C3orf85: variants seen among roughly 807,000 people sequenced by gnomAD.
The protein encoded by C3orf85 is uncharacterized protein C3orf85.
Under a neutral mutation model 1.7 loss-of-function variants are expected in C3orf85, and 1 was observed. The ratio of observed to expected loss-of-function variants is 0.60; its 90% CI spans 0.21 to 2.86. C3orf85 has a LOEUF of 2.86. Among genes scored for constraint, C3orf85 ranks in the 30% most tolerant of loss-of-function variants. The pLI is 0.22. For synonymous variants in C3orf85, 17 were observed against 8.0 expected (o/e 2.13, Z -1.90); for missense variants, 29 against 21.3 (o/e 1.36, Z -0.72).
intron 2 of C3orf85, among the ~76,000 whole-genome samples, chr3:109,137,637 GTATA>G (rs1553767249): frequency 0.066 from 5,284 of 79,856 alleles, 402 homozygotes; most frequent in African/African-American, 0.18. Context: ...GTGTGTGTGT[GTATA>G]TATATATATA....
chr3:109,147,656 G>A (rs1706814800), intron 2 of C3orf85, among the ~76,000 whole-genome samples: 1 of 152,080 alleles, frequency 6.6e-6, no homozygotes, highest in African/African-American at 2.4e-5. Context: ...GGAAGGAGTT[G>A]CAAAATACAA....
intron 2 of C3orf85, among the ~76,000 whole-genome samples, chr3:109,142,462 C>G (rs1032062972): frequency 6.6e-6 from 1 of 152,180 alleles, no homozygotes; most frequent in Non-Finnish European, 1.5e-5. Context: ...TACTCTCCAT[C>G]TCTAGTAGCA....
At chr3:109,138,850 T>C (rs1418464006) in intron 2 of C3orf85, among the ~76,000 whole-genome samples, 1 of 152,174 alleles carries the variant, frequency 6.6e-6, no homozygotes, top group East Asian at 1.9e-4. Context: ...ATTTAAAAAA[T>C]AAGCATATAA....
chr3:109,144,660 A>AT (rs1706776726), intron 2 of C3orf85, among the ~76,000 whole-genome samples: 1 of 152,312 alleles, frequency 6.6e-6, no homozygotes, highest in South Asian at 2.1e-4. Flanking sequence ...ATGCAATAGC[A>AT]TTTTTTTCTT....
Position 109,149,803 on chromosome 3 carries a change from A to G in C3orf85, c.184-2A>G, listed in dbSNP as rs1706847997. 2.5e-6 allele frequency: 1 copy of G among 398,346 alleles called. No homozygotes were observed. Among genetic ancestry groups the G allele is most frequent in the Non-Finnish European group, 4.4e-6 (1 of 225,610 alleles). The allele number at this position is 398,346 out of a possible 1,614,324, so 24.7% of individuals were successfully genotyped here. ...CATGACTTGTGTTTCCTTTTCTTGAAGGCTCGTGAAACATGGATTGCTTTG... is the reference window on the plus strand; with the variant it reads ...CATGACTTGTGTTTCCTTTTCTTGAGGGCTCGTGAAACATGGATTGCTTTG... On this transcript the variant is annotated splice_acceptor_variant, in intron 3 of 3. Coordinates refer to ENST00000622536, the MANE Select transcript of C3orf85 (RefSeq NM_001351622.2). LOFTEE classifies it high-confidence loss of function.
At chr3:109,148,528 G>T in intron 3 of C3orf85, 142 bp downstream of exon 3, 1 of 598,210 alleles carries the variant, frequency 1.7e-6, no homozygotes. Flanking sequence ...GCTTTTTCTT[G>T]CCCATGAAGT....
At chr3:109,145,839 T>C (rs986917216) in intron 2 of C3orf85, among the ~76,000 whole-genome samples, 3 of 152,164 alleles carry the variant, frequency 2.0e-5, no homozygotes, top group Non-Finnish European at 2.9e-5. Context: ...TACCTTTCAA[T>C]CATATTGGTA....
Position 109,150,970 on chromosome 3 carries a change from C to T in C3orf85, c.*1076C>T, listed in dbSNP as rs962502180. ...AAGAAGTTGACTGGAAGGACTTTGG[C>T]CTCAGCAATTTCTTCTCCAAAAGGA... On this transcript the variant is annotated 3_prime_UTR_variant, in exon 4 of 4. Transcript: ENST00000622536. 2.6e-5 allele frequency among the ~76,000 whole-genome samples: 4 copies of T among 152,154 alleles called. No individual in the cohort carries two copies. Among genetic ancestry groups the T allele is most frequent in the Admixed American group, 2.0e-4 (3 of 15,278 alleles).
At chr3:109,142,894 A>G (rs1267785858) in intron 2 of C3orf85, among the ~76,000 whole-genome samples, 1 of 152,202 alleles carries the variant, frequency 6.6e-6, no homozygotes, top group Non-Finnish European at 1.5e-5. Flanking sequence ...GAGAAGGGCT[A>G]ATTTGGAAAA....
At chr3:109,137,637 GTA>G (rs1553767249) in intron 2 of C3orf85, among the ~76,000 whole-genome samples, 3,982 of 79,836 alleles carry the variant, frequency 0.05, 169 homozygotes, top group African/African-American at 0.11. Context: ...GTGTGTGTGT[GTA>G]TATATATATA....
chr3:109,139,769 G>T (rs898437770), intron 2 of C3orf85, among the ~76,000 whole-genome samples: 3 of 152,166 alleles, frequency 2.0e-5, no homozygotes, highest in African/African-American at 7.2e-5. Flanking sequence ...TGTCCATAAA[G>T]TGCAAGTATG....
intron 2 of C3orf85, among the ~76,000 whole-genome samples, chr3:109,141,574 GTC>G (rs146424002): frequency 1.1e-4 from 17 of 151,024 alleles, no homozygotes; most frequent in Admixed American, 6.6e-4. Flanking sequence ...TCCATTATCT[GTC>G]TCTCTCTCTC....
chr3:109,140,039 C>A (rs1399363498), intron 2 of C3orf85, among the ~76,000 whole-genome samples: 1 of 152,118 alleles, frequency 6.6e-6, no homozygotes, highest in Non-Finnish European at 1.5e-5. Flanking sequence ...TCCCTGCAGC[C>A]CTCCAATTCC....
intron 3 of C3orf85, 146 bp from the exon 4 acceptor site, chr3:109,149,659 A>G (rs1476687484): frequency 1.0e-5 from 4 of 386,512 alleles, no homozygotes; most frequent in African/African-American, 6.2e-5. Flanking sequence ...GATAATTAAA[A>G]GTATGAAAAC....
rs1167152928 is a variant in C3orf85, at chr3:109,150,724, C to T, written c.*830C>T. 6.6e-6 allele frequency among the ~76,000 whole-genome samples: 1 copy of T among 152,070 alleles called. No homozygotes were observed. Among genetic ancestry groups the T allele is most frequent in the Non-Finnish European group, 1.5e-5 (1 of 68,020 alleles). On this transcript the variant is annotated 3_prime_UTR_variant, in exon 4 of 4. Transcript: ENST00000622536. ...GCATTGAGATGATACAACTAATTGC[C>T]AAGATTGCCCCCCAAAATCACAGGT...
intron 2 of C3orf85, among the ~76,000 whole-genome samples, chr3:109,140,736 C>T (rs1451237552): frequency 2.6e-5 from 4 of 152,056 alleles, no homozygotes; most frequent in Non-Finnish European, 5.9e-5. Flanking sequence ...ATAAAAGAAC[C>T]ACCAGCTCCA....
intron 3 of C3orf85, chr3:109,149,469 A>G: frequency 5.6e-6 from 1 of 178,460 alleles, no homozygotes; most frequent in Non-Finnish European, 1.2e-5. Context: ...GTGATTAAGT[A>G]GGCTGGTAGA....
At chr3:109,143,689 C>G (rs1468178912) in intron 2 of C3orf85, among the ~76,000 whole-genome samples, 1 of 152,076 alleles carries the variant, frequency 6.6e-6, no homozygotes, top group African/African-American at 2.4e-5. Flanking sequence ...CATTCCAGAT[C>G]AAAATATTAG....
At chr3:109,137,771 A>G (rs1706696810) in intron 2 of C3orf85, among the ~76,000 whole-genome samples, 2 of 151,600 alleles carry the variant, frequency 1.3e-5, no homozygotes, top group Non-Finnish European at 2.9e-5. Flanking sequence ...ATGTGATTGA[A>G]ACATTTTTAG....
Sources: gnomAD v4.1 joint callset for allele counts (sites outside exome capture counted in the v4.1 genomes callset) on GRCh38, gnomAD v4.1.1 for gene constraint, MANE v1.5 for transcripts, NCBI Gene and HGNC (gene_info 2026-07-23, HGNC 2026-07-21) for gene names.